Variants in USP6NL observed in about 807,000 individuals in gnomAD.
USP6NL encodes USP6 N-terminal like, also known as USP6 N-terminal-like protein.
A neutral mutation model predicts 61.9 loss-of-function variants in USP6NL; 26 were observed. The observed-to-expected ratio is 0.42, with a 90% CI of 0.31 to 0.58. The LOEUF is 0.58. Among genes scored for constraint, USP6NL ranks in the 20% least tolerant of loss-of-function variants. The probability of loss-of-function intolerance (pLI) is 0.16; values close to 1 mark genes in which losing one functional copy is unlikely to be tolerated. For synonymous variants in USP6NL, 432 were observed against 390.1 expected, an observed-to-expected ratio of 1.11 and a Z score of -1.27; for missense variants, 1,114 against 1,034.3, an observed-to-expected ratio of 1.08 and a Z score of -1.06.
chr10:11,585,041 C>T lies in USP6NL; in HGVS notation c.4+12590G>A, dbSNP rs2133620026. On this transcript the variant is annotated intron_variant, in intron 2 of 14. Coordinates refer to ENST00000609104, the MANE Select transcript of USP6NL (RefSeq NM_014688.5). The surrounding 1 kb of genome is among the most constrained non-coding windows in gnomAD (Gnocchi z 4.5). ...TTTTGGAAGGTGCAAAAGGAGCATT[C>T]AAAGTTAAAATCTGTGATTTTTCCA... Among the ~76,000 whole-genome samples, 1 of 152,230 alleles carries T rather than the reference C, an allele frequency of 6.6e-6. No individual in the cohort carries two copies. Among genetic ancestry groups the T allele is most frequent in the South Asian group, 2.1e-4 (1 of 4,818 alleles).
At chr10:11,555,682 G>C (rs1042187457) in intron 2 of USP6NL, among the ~76,000 whole-genome samples, 6 of 151,398 alleles carry the variant, frequency 4.0e-5, no homozygotes, top group African/African-American at 1.5e-4. Context: ...ACCCCAAGCA[G>C]AATATAAGAA....
chr10:11,464,609 G>A (rs1240519026), intron 14 of USP6NL, among the ~76,000 whole-genome samples: 1 of 152,148 alleles, frequency 6.6e-6, no homozygotes, highest in East Asian at 1.9e-4. Flanking sequence ...TGCTTCCTGG[G>A]TAATTGTTAA....
At chr10:11,547,793 G>T (rs987988224) in intron 2 of USP6NL, among the ~76,000 whole-genome samples, 1 of 152,112 alleles carries the variant, frequency 6.6e-6, no homozygotes, top group Admixed American at 6.6e-5. Context: ...GCCCGCCTTG[G>T]CCTCCCCAAA....
chr10:11,563,871 G>C (rs563136246), intron 2 of USP6NL: 1 of 152,172 alleles, frequency 6.6e-6, no homozygotes, highest in East Asian at 1.9e-4. Flanking sequence ...TCAGGAAGCT[G>C]AGATTGTCAA....
At chr10:11,480,314 C>T (rs1193952960) in intron 14 of USP6NL, among the ~76,000 whole-genome samples, 5 of 152,194 alleles carry the variant, frequency 3.3e-5, no homozygotes, top group African/African-American at 9.6e-5. Flanking sequence ...TCACCACCAT[C>T]GCAATCCATG....
rs1836376213 is a variant in USP6NL, at chr10:11,548,805, A to G, written c.5-21238T>C. On this transcript the variant is annotated intron_variant, in intron 2 of 14. Transcript: ENST00000609104. This position sits in a 1 kb window ranked among gnomAD's most constrained non-coding sequence, Gnocchi z 4.3. ...TGGTAGGATCATAGAAGACATGTAT[A>G]CCTTTCTAACACTCAAATAAAACTT... Among the ~76,000 whole-genome samples the G allele has an allele frequency of 1.3e-5, 2 of 152,206 alleles. No individual in the cohort carries two copies. The highest frequency in any genetic ancestry group is 2.9e-5 in the Non-Finnish European group (2 of 68,024).
Position 11,490,966 on chromosome 10 carries a change from GAC to G in USP6NL, c.495-88_495-87del. ...AACTTAAAAAAATAAACCAAAGACT[GAC>G]TGAAAACAGATAATCCAGATAAAAT... On this transcript the variant is annotated intron_variant, in intron 8 of 14. Transcript: ENST00000609104. The surrounding 1 kb of genome is among the most constrained non-coding windows in gnomAD (Gnocchi z 4.5). 1 of 1,165,956 alleles carries G rather than the reference GAC, an allele frequency of 8.6e-7. No individual in the cohort carries two copies. Among genetic ancestry groups the G allele is most frequent in the Non-Finnish European group, 1.2e-6 (1 of 838,942 alleles). The allele number at this position is 1,165,956 out of a possible 1,614,324, so 72.2% of individuals were successfully genotyped here.
intron 8 of USP6NL, 79 bp downstream of exon 8, chr10:11,493,039 TA>T (rs1321925327): frequency 7.8e-7 from 1 of 1,275,644 alleles, no homozygotes; most frequent in Non-Finnish European, 1.1e-6. Context: ...AATTACAGTC[TA>T]TAAAGGCATT....
chr10:11,541,608 G>C (rs1470002237), intron 2 of USP6NL, among the ~76,000 whole-genome samples: 1 of 152,074 alleles, frequency 6.6e-6, no homozygotes, highest in Admixed American at 6.5e-5. Flanking sequence ...CATTAAATAA[G>C]GGCAAGAGGC....
chr10:11,552,567 G>T (rs556174556), intron 2 of USP6NL, among the ~76,000 whole-genome samples: 1 of 152,252 alleles, frequency 6.6e-6, no homozygotes, highest in African/African-American at 2.4e-5. Context: ...CTGCAACCAC[G>T]GGTTTCGTGA....
chr10:11,535,180 T>C (rs531071839), intron 2 of USP6NL, among the ~76,000 whole-genome samples: 1 of 152,194 alleles, frequency 6.6e-6, no homozygotes, highest in Non-Finnish European at 1.5e-5. Flanking sequence ...GGGCCCTGTT[T>C]GTGGCATCTG....
At chr10:11,556,948 T>A (rs577206756) in intron 2 of USP6NL, among the ~76,000 whole-genome samples, 1 of 152,322 alleles carries the variant, frequency 6.6e-6, no homozygotes, top group Admixed American at 6.5e-5. Flanking sequence ...CCTGGTTTTT[T>A]TATATTCCTT....
In USP6NL at chr10:11,493,221, T is replaced by G. The variant is rs770150602; in HGVS notation, c.392A>C (p.Lys131Thr). Residue 131 changes from lysine (K) to threonine (T), a missense_variant, in exon 8 of 15, where the codon AAA becomes ACA. Physicochemically the swap from Lys to Thr is moderately conservative, Grantham distance 78 (BLOSUM62 -1). Transcript: ENST00000609104. ...EETRDLYSKLKHRARGCSPDI... is the reference protein window; with the variant it reads ...EETRDLYSKLTHRARGCSPDI... ...AGGTGAACAGCCCCGTGCTCTGTGT[T>G]TTAATTTCTGAAGAGAGAAAGAGAG... is the stretch of plus-strand genomic sequence containing the variant. The G allele has an allele frequency of 2.5e-6, 4 of 1,608,214 alleles. No homozygotes were observed. The highest frequency in any genetic ancestry group is 3.4e-6 in the Non-Finnish European group (4 of 1,176,896).
intron 2 of USP6NL, among the ~76,000 whole-genome samples, chr10:11,594,002 A>T (rs1342981526): frequency 1.3e-5 from 2 of 152,246 alleles, no homozygotes; most frequent in Admixed American, 6.5e-5. Flanking sequence ...GGGGGGAAAA[A>T]AGCTAAGCCA....
Position 11,520,847 on chromosome 10 carries a change from A to C in USP6NL, c.156-2273T>G, listed in dbSNP as rs1835176271. On this transcript the variant is annotated intron_variant, in intron 4 of 14. Transcript: ENST00000609104. This position sits in a 1 kb window ranked among gnomAD's most constrained non-coding sequence, Gnocchi z 5.2. Reference sequence around the variant, plus strand: ...TGACCTACAAAGCCAAAGATCCTTCATATCTGGCTCTTTAGAGAAAATGTT... The same window carrying C: ...TGACCTACAAAGCCAAAGATCCTTCCTATCTGGCTCTTTAGAGAAAATGTT... 6.6e-6 allele frequency among the ~76,000 whole-genome samples: 1 copy of C among 152,220 alleles called. No homozygotes were observed. The highest frequency in any genetic ancestry group is 1.5e-5 in the Non-Finnish European group (1 of 68,044).
At chr10:11,480,746 CAT>C (rs1833162914) in intron 14 of USP6NL, among the ~76,000 whole-genome samples, 2 of 152,238 alleles carry the variant, frequency 1.3e-5, no homozygotes, top group African/African-American at 4.8e-5. Context: ...ACACAGCCAA[CAT>C]GACACACTGA....
Position 11,515,139 on chromosome 10 carries a change from C to T in USP6NL, c.195+3396G>A, listed in dbSNP as rs759234226. Among the ~76,000 whole-genome samples the T allele has an allele frequency of 7.2e-5, 11 of 152,300 alleles. No individual in the cohort carries two copies. In the East Asian group the frequency reaches 9.6e-4, roughly 13 times the overall value. On this transcript the variant is annotated intron_variant, in intron 5 of 14. Transcript: ENST00000609104. ...CTCAACCTCCAGTGATCTGAGACTA[C>T]GTTTTCAACCCTGTACAGGACCAGC...
At chr10:11,560,691 A>G (rs1436884210) in intron 2 of USP6NL, among the ~76,000 whole-genome samples, 1 of 138,062 alleles carries the variant, frequency 7.2e-6, no homozygotes, top group Non-Finnish European at 1.6e-5. Context: ...AAAGGCCTCC[A>G]AACAGTAAAA....
intron 2 of USP6NL, among the ~76,000 whole-genome samples, chr10:11,558,244 T>C (rs1188975933): frequency 6.6e-6 from 1 of 152,180 alleles, no homozygotes; most frequent in Non-Finnish European, 1.5e-5. Context: ...CTCCTATAAG[T>C]ATGTACAACA....
Sources: allele counts gnomAD v4.1 joint callset (sites outside exome capture counted in the v4.1 genomes callset), GRCh38; gene constraint gnomAD v4.1.1; non-coding constraint Gnocchi (gnomAD v3.1); transcripts MANE v1.5; gene names NCBI Gene and HGNC (gene_info 2026-07-23, HGNC 2026-07-21).